The following NTM variants were observed in gnomAD, a reference collection of about 807,000 sequenced individuals.
NTM encodes neurotrimin, also known as IgLON family member 2.
Under a neutral mutation model 42.1 loss-of-function variants are expected in NTM, and 13 were observed. That is an observed-to-expected ratio of 0.31 (90% CI 0.20 to 0.49). The LOEUF (loss-of-function observed/expected upper bound fraction) is 0.49, where lower values mean the gene tolerates loss of function less well. Among genes scored for constraint, NTM ranks in the 20% least tolerant of loss-of-function variants. The probability of loss-of-function intolerance (pLI) is 0.99; values close to 1 mark genes in which losing one functional copy is unlikely to be tolerated. For synonymous variants in NTM, 187 were observed against 179.2 expected (o/e 1.04, Z -0.35); for missense variants, 373 against 452.8 (o/e 0.82, Z 1.60).
chr11:131,839,502 G>A (rs1174857696), intron 1 of NTM, among the ~76,000 whole-genome samples: 1 of 152,232 alleles, frequency 6.6e-6, no homozygotes, highest in Non-Finnish European at 1.5e-5. Flanking sequence ...ATGCTATCCT[G>A]CTCAGTGTGC....
intron 1 of NTM, among the ~76,000 whole-genome samples, chr11:131,424,096 C>A (rs1304943675): frequency 6.6e-6 from 1 of 152,176 alleles, no homozygotes; most frequent in African/African-American, 2.4e-5. Context: ...TTTCTTCTTG[C>A]ATTTACATTA....
At chr11:131,403,842 G>A (rs750513020) in intron 1 of NTM, among the ~76,000 whole-genome samples, 5 of 152,070 alleles carry the variant, frequency 3.3e-5, no homozygotes, top group African/African-American at 4.8e-5. Context: ...TGTAGGGCCC[G>A]AAATTCACTC....
rs2089803251 is a variant in NTM at position 132,239,670 on chromosome 11, A to G, written c.526+27523A>G. Among the ~76,000 whole-genome samples the G allele has an allele frequency of 2.0e-5, 3 of 152,158 alleles. No homozygotes were observed. The South Asian group carries it at 6.2e-4, about 31-fold the overall frequency. The stretch of plus-strand genomic sequence containing the variant: ...TACATCTTCCCTCCCAAACCTTTTT[A>G]TTGTACCCATCTTGAAAACTTATAA... On this transcript the variant is annotated intron_variant, in intron 4 of 8. Transcript: ENST00000683400.
chr11:132,076,023 A>G lies in NTM; in HGVS notation c.168-70259A>G, dbSNP rs146506183. Among the ~76,000 whole-genome samples, 25 of 152,294 alleles carry G rather than the reference A, an allele frequency of 1.6e-4. No homozygotes were observed. The East Asian group carries it at 4.4e-3, about 27-fold the overall frequency. Reference sequence around the variant, plus strand: ...TTATTTTTTTTAAACAACAGATACAATAGTATTGATTACTCCATACATTTC... The same window carrying G: ...TTATTTTTTTTAAACAACAGATACAGTAGTATTGATTACTCCATACATTTC... On this transcript the variant is annotated intron_variant, in intron 2 of 8. Transcript: ENST00000683400.
At chr11:132,078,368 C>G (rs1282124091) in intron 2 of NTM, among the ~76,000 whole-genome samples, 1 of 152,190 alleles carries the variant, frequency 6.6e-6, no homozygotes, top group Non-Finnish European at 1.5e-5. Flanking sequence ...CTTAGTTTCC[C>G]TCGGTGTGGC....
intron 1 of NTM, among the ~76,000 whole-genome samples, chr11:131,875,905 T>G (rs2048469293): frequency 6.6e-6 from 1 of 152,132 alleles, no homozygotes; most frequent in South Asian, 2.1e-4. Flanking sequence ...AGCAGTGGCA[T>G]CCTGAAGGGT....
At chr11:131,432,608 C>T (rs1465868742) in intron 1 of NTM, among the ~76,000 whole-genome samples, 6 of 151,976 alleles carry the variant, frequency 3.9e-5, no homozygotes, top group East Asian at 1.9e-4. Flanking sequence ...CTTAAAAAAT[C>T]GTGTATTTTT....
chr11:132,198,046 T>A (rs948648896), intron 3 of NTM, among the ~76,000 whole-genome samples: 22 of 152,204 alleles, frequency 1.4e-4, no homozygotes, highest in African/African-American at 5.1e-4. Flanking sequence ...ATGATATTTC[T>A]AGTTCTAGAT....
chr11:131,650,591 A>G (rs907651709), intron 1 of NTM, among the ~76,000 whole-genome samples: 16 of 152,204 alleles, frequency 1.1e-4, no homozygotes, highest in Admixed American at 2.6e-4. Context: ...AAATGAGATT[A>G]TGTGCCTGGC....
intron 4 of NTM, among the ~76,000 whole-genome samples, chr11:132,274,082 T>C (rs935986817): frequency 6.6e-6 from 1 of 152,204 alleles, no homozygotes; most frequent in Non-Finnish European, 1.5e-5. Context: ...TAATGTTTCC[T>C]CCTTAATTTT....
intron 1 of NTM, among the ~76,000 whole-genome samples, chr11:131,639,943 G>A (rs931927683): frequency 7.9e-5 from 12 of 151,750 alleles, no homozygotes; most frequent in African/African-American, 2.2e-4. Context: ...GTGACAGAGC[G>A]AGACTCCGTG....
At chr11:132,061,199 A>G (rs1430963746) in intron 2 of NTM, among the ~76,000 whole-genome samples, 1 of 152,240 alleles carries the variant, frequency 6.6e-6, no homozygotes, top group African/African-American at 2.4e-5. Flanking sequence ...TGTAAAAGTA[A>G]AGCATCTCAT....
chr11:131,565,533 T>G (rs2056787896), intron 1 of NTM, among the ~76,000 whole-genome samples: 1 of 152,212 alleles, frequency 6.6e-6, no homozygotes, highest in Non-Finnish European at 1.5e-5. Context: ...ATCTTTGTTG[T>G]CATGGCTCCT....
At chr11:132,113,287 G>A (rs538240287) in intron 2 of NTM, among the ~76,000 whole-genome samples, 4 of 152,188 alleles carry the variant, frequency 2.6e-5, no homozygotes, top group African/African-American at 2.4e-5. Flanking sequence ...AAATAATGTT[G>A]GAATCATATC....
chr11:132,277,380 C>A (rs2093768779), intron 4 of NTM, among the ~76,000 whole-genome samples: 1 of 152,138 alleles, frequency 6.6e-6, no homozygotes, highest in Non-Finnish European at 1.5e-5. Flanking sequence ...GTGCTGGTAC[C>A]AGGTGACCAA....
intron 5 of NTM, among the ~76,000 whole-genome samples, chr11:132,308,939 C>G (rs1365261538): frequency 1.3e-5 from 2 of 152,184 alleles, no homozygotes; most frequent in Admixed American, 6.5e-5. Flanking sequence ...AATATTACCA[C>G]AAGACTGCTA....
rs117488717 is a variant in NTM, at chr11:131,991,129, A to G, written c.167+79481A>G. Reference sequence around the variant, plus strand: ...TGCAATGCCATTCTAACTACTGAGGAGCTTTTATTGAAGAGATGAGTTATC... The same window carrying G: ...TGCAATGCCATTCTAACTACTGAGGGGCTTTTATTGAAGAGATGAGTTATC... On this transcript the variant is annotated intron_variant, in intron 2 of 8. Transcript: ENST00000683400. Among the ~76,000 whole-genome samples, 455 of 152,290 alleles carry G rather than the reference A, an allele frequency of 3.0e-3. 8 individuals are homozygous for G. The East Asian group carries it at 0.035, about 12-fold the overall frequency.
chr11:132,204,418 T>C (rs553069862), intron 3 of NTM, among the ~76,000 whole-genome samples: 6 of 152,324 alleles, frequency 3.9e-5, no homozygotes, highest in Admixed American at 3.9e-4. Context: ...CCATTTTCAA[T>C]GAACGAGACA....
At chr11:131,872,748 G>C (rs1007867751) in intron 1 of NTM, among the ~76,000 whole-genome samples, 1 of 152,180 alleles carries the variant, frequency 6.6e-6, no homozygotes, top group Non-Finnish European at 1.5e-5. Context: ...TTAAGATTTT[G>C]TTAAAGAATT....
Sources: allele counts gnomAD v4.1 joint callset (sites outside exome capture counted in the v4.1 genomes callset), GRCh38; gene constraint gnomAD v4.1.1; transcripts MANE v1.5; gene names NCBI Gene and HGNC (gene_info 2026-07-23, HGNC 2026-07-21).